SPHK2: variants seen among roughly 807,000 people sequenced by gnomAD.
The protein encoded by SPHK2 is sphingosine kinase 2.
In SPHK2, 18 loss-of-function variants were observed where a neutral mutation model predicts 32.3. The observed-to-expected ratio is 0.56, with a 90% confidence interval of 0.39 to 0.83. SPHK2 has a LOEUF of 0.83. SPHK2 is among the 40% of genes least tolerant of loss of function. The pLI, the probability that SPHK2 is intolerant of heterozygous loss-of-function variation, is 0.00. For missense variants in SPHK2, 850 were observed against 908.7 expected (o/e 0.94, Z 0.83); for synonymous variants, 462 against 417.6 (o/e 1.11, Z -1.30).
Position 48,629,548 on chromosome 19 carries a change from G to C in SPHK2, c.1740G>C (p.Leu580=). The C allele has an allele frequency of 6.2e-7, 1 of 1,603,326 alleles. No homozygotes were observed. The highest frequency in any genetic ancestry group is 8.5e-7 in the Non-Finnish European group (1 of 1,175,974). The change falls in exon 7 of 7, where the codon CTG becomes CTC. Residue 580 remains leucine (L), a synonymous_variant. Coordinates refer to ENST00000245222, the MANE Select transcript of SPHK2 (RefSeq NM_020126.5). ...GTAGCGGCATCTCGCGGGCTGCGCT[G>C]CTGCGCCTTTTCTTGGCCATGGAGC... is the stretch of plus-strand genomic sequence containing the variant. ...WVRSGISRAA[L]LRLFLAMERG...
At position 48,629,982 on chromosome 19, in the gene SPHK2, G is replaced by A; in HGVS notation, c.*209G>A. 4 of 1,399,256 alleles carry A rather than the reference G, an allele frequency of 2.9e-6. No individual in the cohort carries two copies. Among genetic ancestry groups the A allele is most frequent in the Non-Finnish European group, 3.7e-6 (4 of 1,081,032 alleles). 86.7% of individuals were successfully genotyped at this position (1,399,256 alleles called of 1,614,324 possible). On this transcript the variant is annotated 3_prime_UTR_variant, in exon 7 of 7. Transcript: ENST00000245222. ...GAGAAATGGGCTCGTCCCGAGGGTAGTGCCTGATCAATGAGGGCGGGGCCT... is the reference window on the plus strand; with the variant it reads ...GAGAAATGGGCTCGTCCCGAGGGTAATGCCTGATCAATGAGGGCGGGGCCT...
At position 48,628,427 on chromosome 19, in the gene SPHK2, C is replaced by T; in HGVS notation, c.872+150C>T. On this transcript the variant is annotated intron_variant, in intron 6 of 6. Coordinates refer to ENST00000245222, the MANE Select transcript of SPHK2 (RefSeq NM_020126.5). The surrounding 1 kb of genome is among the most constrained non-coding windows in gnomAD (Gnocchi z 5.2). ...CCCAGCTCCTGGACATTTTTGCCTG[C>T]CTGCTTCCCAGCTGTATCCCGAGCG... is the stretch of plus-strand genomic sequence containing the variant. 1 of 940,340 alleles carries T rather than the reference C, an allele frequency of 1.1e-6. No individual in the cohort carries two copies. 58.2% of individuals were successfully genotyped at this position (940,340 alleles called of 1,614,324 possible).
rs745825867 is a variant in SPHK2, at chr19:48,628,441, G to A, written c.872+164G>A. ...ATTTTTGCCTGCCTGCTTCCCAGCTGTATCCCGAGCGCCCAGAACTCTGCC... is the reference window on the plus strand; with the variant it reads ...ATTTTTGCCTGCCTGCTTCCCAGCTATATCCCGAGCGCCCAGAACTCTGCC... On this transcript the variant is annotated intron_variant, in intron 6 of 6. Coordinates refer to ENST00000245222, the MANE Select transcript of SPHK2 (RefSeq NM_020126.5). The surrounding 1 kb of genome is among the most constrained non-coding windows in gnomAD (Gnocchi z 5.2). 1 of 909,384 alleles carries A rather than the reference G, an allele frequency of 1.1e-6. No individual in the cohort carries two copies. The highest frequency in any genetic ancestry group is 1.8e-6 in the Non-Finnish European group (1 of 550,684). The allele number at this position is 909,384 out of a possible 1,614,324, so 56.3% of individuals were successfully genotyped here.
chr19:48,627,611 G>A (rs1026268883), intron 3 of SPHK2, 81 bp from the exon 4 acceptor site: 41 of 1,485,736 alleles, frequency 2.8e-5, no homozygotes, highest in East Asian at 7.0e-5. Context: ...CACCAATTCC[G>A]TTGGGGGCTG....
Position 48,627,679 on chromosome 19 carries a change from CCT to C in SPHK2, c.512-7_512-6del, listed in dbSNP as rs1481334635. 2 of 1,569,374 alleles carry C rather than the reference CCT, an allele frequency of 1.3e-6. No homozygotes were observed. The highest frequency in any genetic ancestry group is 1.7e-6 in the Non-Finnish European group (2 of 1,156,782). On this transcript the variant is annotated splice_polypyrimidine_tract_variant and intron_variant, in intron 3 of 6. Transcript: ENST00000245222. ...GGTCACTGGCCTCTGCAGACCCTAA[CCT>C]CTCTCCACAGAGATCACCCCTGACC...
chr19:48,622,355 C>T (rs1347328520), intron 2 of SPHK2, among the ~76,000 whole-genome samples: 2 of 152,060 alleles, frequency 1.3e-5, no homozygotes, highest in Non-Finnish European at 2.9e-5. Flanking sequence ...TTTGCTTACA[C>T]ATTCTTTAAT....
chr19:48,621,889 A>G (rs1160970704), intron 2 of SPHK2, among the ~76,000 whole-genome samples: 1 of 152,190 alleles, frequency 6.6e-6, no homozygotes, highest in East Asian at 1.9e-4. Flanking sequence ...CAGGGTCTTC[A>G]CGATGCCTGG....
chr19:48,626,658 TA>T (rs1295590588), intron 3 of SPHK2: 1 of 286,194 alleles, frequency 3.5e-6, no homozygotes, highest in Non-Finnish European at 6.5e-6. Flanking sequence ...CTACTAAAAA[TA>T]CAAAAAATTA....
chr19:48,624,833 G>C (rs932311270), intron 2 of SPHK2: 1 of 905,002 alleles, frequency 1.1e-6, no homozygotes, highest in Non-Finnish European at 1.3e-6. Context: ...CTGGGGATAG[G>C]GGGGCAGATG....
rs200078635 is a variant in SPHK2, at chr19:48,625,396, TG to T, written c.40-489del. 9 of 1,178,406 alleles carry T rather than the reference TG, an allele frequency of 7.6e-6. 1 individual carries two copies. The South Asian group carries it at 8.0e-5, about 11-fold the overall frequency. 73.0% of individuals were successfully genotyped at this position (1,178,406 alleles called of 1,614,324 possible). ...TTGCTGTTTTACCCACTGCACCGTATGGGGGGTGGGGGTGTCGGGGAGGTGT... is the reference window on the plus strand; with the variant it reads ...TTGCTGTTTTACCCACTGCACCGTATGGGGGTGGGGGTGTCGGGGAGGTGT... On this transcript the variant is annotated intron_variant, in intron 2 of 6. Transcript: ENST00000245222.
In SPHK2 at chr19:48,629,468, G is replaced by A; in HGVS notation, c.1660G>A (p.Val554Met). ...ISPSHLGADL[V>M]AAPHARFDDG... ...GCCCAGCCACCTAGGCGCTGACCTGGTGGCAGCTCCGCATGCGCGCTTCGA... is the reference window on the plus strand; with the variant it reads ...GCCCAGCCACCTAGGCGCTGACCTGATGGCAGCTCCGCATGCGCGCTTCGA... The change falls in exon 7 of 7, where the codon GTG becomes ATG. Residue 554 changes from valine (V) to methionine (M), a missense_variant. Physicochemically the swap from Val to Met is conservative, Grantham distance 21. Transcript: ENST00000245222. 1.2e-6 allele frequency: 2 copies of A among 1,608,564 alleles called. No individual in the cohort carries two copies. The highest frequency in any genetic ancestry group is 1.1e-5 in the South Asian group (1 of 90,654).
In SPHK2 at chr19:48,628,157, T is replaced by G. The variant is rs747929600; in HGVS notation, c.757-5T>G. The G allele has an allele frequency of 8.1e-6, 13 of 1,611,708 alleles. No homozygotes were observed. Among genetic ancestry groups the G allele is most frequent in the Non-Finnish European group, 1.1e-5 (13 of 1,178,730 alleles). Reference sequence around the variant, plus strand: ...GACCCAGGCTTCTGGTCTCCCACCCTCCAGGTGCTGAACGGGCTCCTAGAT... The same window carrying G: ...GACCCAGGCTTCTGGTCTCCCACCCGCCAGGTGCTGAACGGGCTCCTAGAT... On this transcript the variant is annotated splice_region_variant and splice_polypyrimidine_tract_variant and intron_variant, in intron 5 of 6. Transcript: ENST00000245222. The surrounding 1 kb of genome is among the most constrained non-coding windows in gnomAD (Gnocchi z 5.2).
In SPHK2 at chr19:48,629,145, T is replaced by C. The variant is rs758101449; in HGVS notation, c.1337T>C (p.Leu446Pro). Residue 446 changes from leucine (L) to proline (P), a missense_variant, in exon 7 of 7, where the codon CTC becomes CCC. Physicochemically the swap from Leu to Pro is moderately conservative, Grantham distance 98. Coordinates refer to ENST00000245222, the MANE Select transcript of SPHK2 (RefSeq NM_020126.5). Reference protein sequence around the residue: ...GSPEPLPILSLNGGGPELAGD... With the variant: ...GSPEPLPILSPNGGGPELAGD... The stretch of plus-strand genomic sequence containing the variant: ...CCAGAACCCCTGCCCATCCTGTCCC[T>C]CAACGGTGGGGGCCCAGAGCTGGCT... 1.2e-6 allele frequency: 2 copies of C among 1,613,372 alleles called. No homozygotes were observed. Among genetic ancestry groups the C allele is most frequent in the South Asian group, 2.2e-5 (2 of 91,080 alleles).
At chr19:48,626,990 C>T (rs1242278786) in intron 3 of SPHK2, among the ~76,000 whole-genome samples, 4 of 151,538 alleles carry the variant, frequency 2.6e-5, no homozygotes, top group African/African-American at 7.3e-5. Flanking sequence ...AAAAATTAGC[C>T]GGGCATGGTG....
At position 48,625,897 on chromosome 19, in the gene SPHK2, G is replaced by T. The variant is rs761589726; in HGVS notation, c.46G>T (p.Asp16Tyr). The change falls in exon 3 of 7, where the codon GAC (aspartate) becomes TAC (tyrosine). Residue 16 changes from aspartate (D) to tyrosine (Y), a missense_variant. Transcript: ENST00000245222. ...EAEEQQDQRP[D>Y]QELTGSWGHG... ...CTCTCCTCCCTTCCCACAGAGGCCA[G>T]ACCAGGAGCTGACCGGGAGCTGGGG... 4 of 1,611,834 alleles carry T rather than the reference G, an allele frequency of 2.5e-6. No homozygotes were observed. The highest frequency in any genetic ancestry group is 1.1e-5 in the South Asian group (1 of 90,958).
In SPHK2 at chr19:48,628,642, T is replaced by A. The variant is rs1308849472; in HGVS notation, c.873-39T>A. The A allele has an allele frequency of 6.3e-7, 1 of 1,597,268 alleles. No homozygotes were observed. The highest frequency in any genetic ancestry group is 2.2e-5 in the East Asian group (1 of 44,728). ...GTCTCTTTCCCCAACCCCTGTTTGCTCCTTCCTTCTGTGTGTCCGTCCATC... is the reference window on the plus strand; with the variant it reads ...GTCTCTTTCCCCAACCCCTGTTTGCACCTTCCTTCTGTGTGTCCGTCCATC... On this transcript the variant is annotated intron_variant, in intron 6 of 6. Transcript: ENST00000245222. This position sits in a 1 kb window ranked among gnomAD's most constrained non-coding sequence, Gnocchi z 5.2.
rs2030448923 is a variant in SPHK2, at chr19:48,629,919, A to G, written c.*146A>G. On this transcript the variant is annotated 3_prime_UTR_variant, in exon 7 of 7. Transcript: ENST00000245222. ...GGATTGCGCTCGCTTTCATGGGACC[A>G]GACGTGATGCTGGAAGGTGGGCGTC... 4 of 1,427,738 alleles carry G rather than the reference A, an allele frequency of 2.8e-6. No individual in the cohort carries two copies. The highest frequency in any genetic ancestry group is 3.7e-6 in the Non-Finnish European group (4 of 1,093,664). 88.4% of individuals were successfully genotyped at this position (1,427,738 alleles called of 1,614,324 possible). A position where few individuals can be genotyped will look rare whatever the true frequency, so the allele number is the denominator to read the frequency against.
In SPHK2 at chr19:48,629,838, A is replaced by G. The variant is rs1037987969; in HGVS notation, c.*65A>G. 1 of 1,498,752 alleles carries G rather than the reference A, an allele frequency of 6.7e-7. No homozygotes were observed. Among genetic ancestry groups the G allele is most frequent in the Admixed American group, 2.4e-5 (1 of 41,840 alleles). The allele number at this position is 1,498,752 out of a possible 1,614,324, so 92.8% of individuals were successfully genotyped here. A position where few individuals can be genotyped will look rare whatever the true frequency, so the allele number is the denominator to read the frequency against. On this transcript the variant is annotated 3_prime_UTR_variant, in exon 7 of 7. Transcript: ENST00000245222. ...ATTCCAATGGGGCGGAGCCTGAGCT[A>G]GGGGGTGTGGCCTGGCTGCTAGAGT...
rs758329786 is a variant in SPHK2, at chr19:48,629,468, G to C, written c.1660G>C (p.Val554Leu). 57 of 1,608,446 alleles carry C rather than the reference G, an allele frequency of 3.5e-5. No individual in the cohort carries two copies. The highest frequency in any genetic ancestry group is 2.5e-4 in the East Asian group (11 of 44,778). ...ISPSHLGADL[V>L]AAPHARFDDG... ...GCCCAGCCACCTAGGCGCTGACCTG[G>C]TGGCAGCTCCGCATGCGCGCTTCGA... is the stretch of plus-strand genomic sequence containing the variant. The change falls in exon 7 of 7, where the codon GTG becomes CTG. Residue 554 changes from valine (V) to leucine (L), a missense_variant. Physicochemically the swap from Val to Leu is conservative, Grantham distance 32 (BLOSUM62 1). Coordinates refer to ENST00000245222, the MANE Select transcript of SPHK2 (RefSeq NM_020126.5).
Sources: gnomAD v4.1 joint callset for allele counts (sites outside exome capture counted in the v4.1 genomes callset) on GRCh38, gnomAD v4.1.1 for gene constraint, Gnocchi (gnomAD v3.1) non-coding constraint, MANE v1.5 for transcripts, NCBI Gene and HGNC (gene_info 2026-07-23, HGNC 2026-07-21) for gene names.